Variants in PKNOX2 observed in about 807,000 individuals in gnomAD.
PKNOX2 encodes the protein homeobox protein PKNOX2.
A neutral mutation model predicts 53.1 loss-of-function variants in PKNOX2; 14 were observed. That is an observed-to-expected ratio of 0.26 (90% confidence interval 0.17 to 0.41). The LOEUF (loss-of-function observed/expected upper bound fraction) is 0.41. PKNOX2 is among the 10% of genes least tolerant of loss of function. The probability of loss-of-function intolerance (pLI) is 1.00; values close to 1 mark genes in which losing one functional copy is unlikely to be tolerated. For missense variants in PKNOX2, 496 were observed against 602.8 expected, an observed-to-expected ratio of 0.82 and a Z score of 1.85; for synonymous variants, 257 against 242.8, an observed-to-expected ratio of 1.06 and a Z score of -0.54.
At chr11:125,290,782 C>T (rs917762909) in intron 2 of PKNOX2, among the ~76,000 whole-genome samples, 11 of 152,264 alleles carry the variant, frequency 7.2e-5, no homozygotes, top group African/African-American at 1.7e-4. Context: ...GTAACTTGAA[C>T]GTAACAAGAT....
intron 2 of PKNOX2, among the ~76,000 whole-genome samples, chr11:125,266,067 C>A (rs996678105): frequency 6.6e-6 from 1 of 152,212 alleles, no homozygotes; most frequent in Non-Finnish European, 1.5e-5. Flanking sequence ...CCTATGCACA[C>A]TTACCAAATT....
intron 1 of PKNOX2, among the ~76,000 whole-genome samples, chr11:125,214,660 C>T (rs1940269187): frequency 6.6e-6 from 1 of 152,114 alleles, no homozygotes; most frequent in Admixed American, 6.5e-5. Flanking sequence ...TTAGCATCTG[C>T]ACCATCAATC....
intron 2 of PKNOX2, among the ~76,000 whole-genome samples, chr11:125,251,789 T>TAC (rs1394897850): frequency 6.8e-6 from 1 of 148,138 alleles, no homozygotes; most frequent in African/African-American, 2.5e-5. Context: ...TATATAAATA[T>TAC]ATATATATAT....
intron 2 of PKNOX2, among the ~76,000 whole-genome samples, chr11:125,251,959 TCTGTTCAGGC>T (rs1157231128): frequency 6.6e-6 from 1 of 152,082 alleles, no homozygotes; most frequent in East Asian, 1.9e-4. Context: ...CATTGCCCAC[TCTGTTCAGGC>T]CTTATTCAGG....
At chr11:125,405,109 C>T (rs751179088) in intron 7 of PKNOX2, among the ~76,000 whole-genome samples, 5 of 152,116 alleles carry the variant, frequency 3.3e-5, no homozygotes, top group Admixed American at 1.3e-4. Flanking sequence ...CACCCCACTC[C>T]GGCCACCGAC....
At chr11:125,193,359 T>G (rs536599754) in intron 1 of PKNOX2, among the ~76,000 whole-genome samples, 17 of 152,288 alleles carry the variant, frequency 1.1e-4, no homozygotes, top group Non-Finnish European at 2.2e-4. Context: ...TCGGCTCTAA[T>G]TTATGGGCCA....
At chr11:125,215,148 G>T (rs1344890319) in intron 1 of PKNOX2, among the ~76,000 whole-genome samples, 1 of 152,122 alleles carries the variant, frequency 6.6e-6, no homozygotes, top group African/African-American at 2.4e-5. Context: ...CAGTTGGGAG[G>T]CTCTCGGATT....
At chr11:125,356,592 C>T (rs1279383754) in intron 4 of PKNOX2, among the ~76,000 whole-genome samples, 1 of 152,186 alleles carries the variant, frequency 6.6e-6, no homozygotes, top group Non-Finnish European at 1.5e-5. Flanking sequence ...ACATGGCACT[C>T]AGAGATCTGG....
At chr11:125,184,898 G>C (rs966962581) in intron 1 of PKNOX2, among the ~76,000 whole-genome samples, 1 of 152,150 alleles carries the variant, frequency 6.6e-6, no homozygotes, top group Non-Finnish European at 1.5e-5. Flanking sequence ...AACAAACCAC[G>C]AAGAAAGACA....
intron 1 of PKNOX2, among the ~76,000 whole-genome samples, chr11:125,200,527 A>AT (rs1938314965): frequency 6.6e-6 from 1 of 152,024 alleles, no homozygotes; most frequent in South Asian, 2.1e-4. Flanking sequence ...TCCATGCACC[A>AT]TGCCGCCCCC....
At chr11:125,401,703 C>T in intron 7 of PKNOX2, among the ~76,000 whole-genome samples, 1 of 151,944 alleles carries the variant, frequency 6.6e-6, no homozygotes, top group East Asian at 1.9e-4. Flanking sequence ...ACTTTCAGTG[C>T]AGGAGGCAGG....
chr11:125,186,360 A>T (rs921286329), intron 1 of PKNOX2, among the ~76,000 whole-genome samples: 3 of 152,230 alleles, frequency 2.0e-5, no homozygotes, highest in African/African-American at 4.8e-5. Context: ...CTTCATGGTA[A>T]TGTCCTTTGG....
chr11:125,175,251 A>AAGGAAG (rs1283725087), intron 1 of PKNOX2, among the ~76,000 whole-genome samples: 827 of 58,776 alleles, frequency 0.014, 7 homozygotes, highest in Middle Eastern at 0.038. Flanking sequence ...AAGGAAGGAA[A>AAGGAAG]GAAGGAAGGA....
chr11:125,271,377 T>G (rs1945778076), intron 2 of PKNOX2, among the ~76,000 whole-genome samples: 1 of 152,188 alleles, frequency 6.6e-6, no homozygotes, highest in African/African-American at 2.4e-5. Flanking sequence ...TTTCCGGACA[T>G]CTCCATTGCT....
At chr11:125,382,343 A>G (rs1391642032) in intron 5 of PKNOX2, among the ~76,000 whole-genome samples, 1 of 152,212 alleles carries the variant, frequency 6.6e-6, no homozygotes, top group Admixed American at 6.5e-5. Context: ...ACACAAGCAC[A>G]CACACACTTT....
chr11:125,310,267 C>T (rs919920713), intron 2 of PKNOX2, among the ~76,000 whole-genome samples: 15 of 152,064 alleles, frequency 9.9e-5, no homozygotes, highest in East Asian at 3.9e-4. Flanking sequence ...GAGGCTGAGG[C>T]GGGTGGATCA....
chr11:125,402,241 C>A (rs1346546597), intron 7 of PKNOX2, among the ~76,000 whole-genome samples: 1 of 152,028 alleles, frequency 6.6e-6, no homozygotes, highest in African/African-American at 2.4e-5. Flanking sequence ...CCCTAGGAAC[C>A]CATCCTGTGC....
At chr11:125,424,938 A>T (rs1956336136) in intron 10 of PKNOX2, among the ~76,000 whole-genome samples, 1 of 152,234 alleles carries the variant, frequency 6.6e-6, no homozygotes, top group African/African-American at 2.4e-5. Flanking sequence ...GGGAGGTATC[A>T]GAGAGAGATG....
rs954880399 is a variant in PKNOX2 at position 125,431,447 on chromosome 11, G to T, written c.*55G>T. On this transcript the variant is annotated 3_prime_UTR_variant, in exon 13 of 13. Transcript: ENST00000298282. ...AGCAGGAGAGGAGTGTCGCCGGGAGGCCTTCAGGGTGGGGGGGAAGGGGAC... is the reference window on the plus strand; with the variant it reads ...AGCAGGAGAGGAGTGTCGCCGGGAGTCCTTCAGGGTGGGGGGGAAGGGGAC... The T allele has an allele frequency of 4.3e-5, 20 of 468,314 alleles. No individual in the cohort carries two copies. The highest frequency in any genetic ancestry group is 7.1e-5 in the Non-Finnish European group (19 of 267,808). The allele number at this position is 468,314 out of a possible 1,614,324, so 29.0% of individuals were successfully genotyped here. A position where few individuals can be genotyped will look rare whatever the true frequency, so the allele number is the denominator to read the frequency against.
Sources: allele counts gnomAD v4.1 joint callset (sites outside exome capture counted in the v4.1 genomes callset), GRCh38; gene constraint gnomAD v4.1.1; transcripts MANE v1.5; gene names NCBI Gene and HGNC (gene_info 2026-07-23, HGNC 2026-07-21).